Variants in TRIM36 observed in about 807,000 individuals in gnomAD.
TRIM36 encodes tripartite motif containing 36.
A neutral mutation model predicts 72.4 loss-of-function variants in TRIM36; 42 were observed. The observed-to-expected ratio is 0.58, with a 90% CI of 0.45 to 0.75. The LOEUF (loss-of-function observed/expected upper bound fraction) is 0.75, where lower values mean the gene tolerates loss of function less well. TRIM36 is among the 30% of genes least tolerant of loss of function. The pLI is 0.00. For missense variants in TRIM36, 913 were observed against 857.1 expected, an observed-to-expected ratio of 1.07 and a Z score of -0.81; for synonymous variants, 315 against 282.8, an observed-to-expected ratio of 1.11 and a Z score of -1.14.
intron 2 of TRIM36, among the ~76,000 whole-genome samples, chr5:115,160,923 C>CA (rs200965722): frequency 0.016 from 2,458 of 152,020 alleles, 61 homozygotes; most frequent in African/African-American, 0.056. Flanking sequence ...ATGAATCTAC[C>CA]AAAAAAAGAA....
intron 9 of TRIM36, among the ~76,000 whole-genome samples, chr5:115,127,912 T>C (rs540049238): frequency 4.7e-4 from 72 of 152,266 alleles, no homozygotes; most frequent in Middle Eastern, 3.4e-3. Context: ...TGTATGTTAC[T>C]GCCCCAGAAG....
intron 1 of TRIM36, chr5:115,179,910 G>C: frequency 6.9e-7 from 1 of 1,445,382 alleles, no homozygotes; most frequent in South Asian, 1.3e-5. Flanking sequence ...GACGCCCACA[G>C]TGGCGGGCCA....
At chr5:115,128,754 G>A (rs1189830704) in intron 9 of TRIM36, among the ~76,000 whole-genome samples, 14 of 14,772 alleles carry the variant, frequency 9.5e-4, no homozygotes, top group Non-Finnish European at 1.4e-3. Context: ...GCGAGACTCC[G>A]TCTCAAAAAA....
At chr5:115,129,582 A>G (rs114154251) in intron 9 of TRIM36, among the ~76,000 whole-genome samples, 2,361 of 152,238 alleles carry the variant, frequency 0.016, 55 homozygotes, top group African/African-American at 0.054. Context: ...AAATACAAAG[A>G]TAAGATGTAT....
chr5:115,126,587 T>G lies in TRIM36; in HGVS notation c.2067A>C (p.Pro689=). ...CTCCACTGCCCATTAATGCAAATGC[T>G]GGATACAGTGTATGTGAACAGTCCA... ...RQVDCSHTLY[P]AFALMGSGGI... Residue 689 remains proline (P), a synonymous_variant, in exon 10 of 10, where the codon CCA becomes CCC. Coordinates refer to ENST00000513154, the MANE Select transcript of TRIM36 (RefSeq NM_001300759.2). The G allele has an allele frequency of 1.9e-6, 3 of 1,614,168 alleles. No homozygotes were observed. Among genetic ancestry groups the G allele is most frequent in the Non-Finnish European group, 2.5e-6 (3 of 1,179,978 alleles).
intron 1 of TRIM36, chr5:115,169,189 C>G (rs1754954598): frequency 5.9e-6 from 1 of 169,776 alleles, no homozygotes; most frequent in African/African-American, 2.4e-5. Context: ...GCGGCGGCAG[C>G]CGGCCGGGCC....
chr5:115,151,811 G>C (rs1428938567), intron 2 of TRIM36, among the ~76,000 whole-genome samples: 1 of 152,162 alleles, frequency 6.6e-6, no homozygotes, highest in Non-Finnish European at 1.5e-5. Flanking sequence ...TCCCAGGAAG[G>C]CACATCCATA....
Position 115,137,038 on chromosome 5 carries a change from T to C in TRIM36, c.1172A>G (p.Gln391Arg), listed in dbSNP as rs891270382. 5 of 1,605,962 alleles carry C rather than the reference T, an allele frequency of 3.1e-6. No individual in the cohort carries two copies. The highest frequency in any genetic ancestry group is 3.4e-6 in the Non-Finnish European group (4 of 1,176,908). ...GGATAATTCTCCAAGAAGTTCTGTT[T>C]GTTTAGAGGTATTAACAACATAGTC... ...FEDYVVNTSK[Q>R]TELLGELSFF... The change falls in exon 7 of 10, where the codon CAA becomes CGA. Residue 391 changes from glutamine (Q) to arginine (R), a missense_variant. By Grantham distance (43) the Gln-to-Arg change is conservative (BLOSUM62 1). Coordinates refer to ENST00000513154, the MANE Select transcript of TRIM36 (RefSeq NM_001300759.2).
At chr5:115,143,109 T>C (rs1753363192) in intron 4 of TRIM36, among the ~76,000 whole-genome samples, 1 of 151,668 alleles carries the variant, frequency 6.6e-6, no homozygotes, top group East Asian at 1.9e-4. Flanking sequence ...CATCAACTCT[T>C]GTGTGTGAGG....
intron 2 of TRIM36, among the ~76,000 whole-genome samples, chr5:115,152,432 G>C (rs991817245): frequency 1.3e-5 from 2 of 152,128 alleles, no homozygotes; most frequent in Admixed American, 1.3e-4. Context: ...AAATCTAAAA[G>C]TTTGGAAAAC....
At chr5:115,172,653 T>G (rs1338512431), upstream of TRIM36, among the ~76,000 whole-genome samples, 1 of 151,972 alleles carries the variant, frequency 6.6e-6, no homozygotes, top group African/African-American at 2.4e-5. Flanking sequence ...GGAGAATCAC[T>G]TGAAACCGGG....
At chr5:115,138,233 G>A (rs528375798) in intron 5 of TRIM36, among the ~76,000 whole-genome samples, 4 of 152,128 alleles carry the variant, frequency 2.6e-5, no homozygotes, top group African/African-American at 9.7e-5. Context: ...CCAAGTAGCT[G>A]GGACTACAGG....
At position 115,128,479 on chromosome 5, in the gene TRIM36, G is replaced by A. The variant is rs187048072; in HGVS notation, c.1797-1622C>T. On this transcript the variant is annotated intron_variant, in intron 9 of 9. Transcript: ENST00000513154. ...TAAAAATTGAAAGTTTAGGCCGGGC[G>A]CGGTGGCTCACGCCTGTAATCCCAG... 7.2e-4 allele frequency among the ~76,000 whole-genome samples: 109 copies of A among 151,928 alleles called. 2 individuals carry two copies. In the East Asian group the frequency reaches 0.019, roughly 26 times the overall value.
In TRIM36 at chr5:115,179,228, G is replaced by A. The variant is rs192016692; in HGVS notation, c.63+747C>T. Among the ~76,000 whole-genome samples, 1,082 of 152,310 alleles carry A rather than the reference G, an allele frequency of 7.1e-3. 12 individuals carry two copies. Among genetic ancestry groups the A allele is most frequent in the African/African-American group, 0.025 (1,034 of 41,568 alleles). On this transcript the variant is annotated intron_variant, in intron 1 of 9. Coordinates refer to the TRIM36 transcript ENST00000282369. ...GGCAATTTCTCGGATGCAGCGCGGA[G>A]CCCAGCCTCCCGCACTGACTCAGGC...
Position 115,130,658 on chromosome 5 carries a change from A to C in TRIM36, c.1730T>G (p.Val577Gly). ...RVEPYSYLVK[V>G]GVASSDKLQE... is the part of the protein sequence containing the mutation. ...TAGTTTATCGCTAGAAGCAACTCCC[A>C]CTTTTACCAGGTATGAATATGGTTC... The change falls in exon 9 of 10, where the codon GTG becomes GGG. Residue 577 changes from valine (V) to glycine (G), a missense_variant. Transcript: ENST00000513154. 1 of 1,614,180 alleles carries C rather than the reference A, an allele frequency of 6.2e-7. No individual in the cohort carries two copies.
At chr5:115,172,024 A>G (rs1580713559), upstream of TRIM36, among the ~76,000 whole-genome samples, 4 of 152,318 alleles carry the variant, frequency 2.6e-5, 1 homozygote, top group South Asian at 6.2e-4. Context: ...TTCAGAGTAT[A>G]AGTGTCTTCT....
At chr5:115,179,915 G>T (rs991127141) in intron 1 of TRIM36, 2 of 1,484,572 alleles carry the variant, frequency 1.3e-6, no homozygotes, top group African/African-American at 1.4e-5. Context: ...CCACAGTGGC[G>T]GGCCAGGTAG....
Position 115,147,067 on chromosome 5 carries a change from A to C in TRIM36, c.588+2T>G. On this transcript the variant is annotated splice_donor_variant, in intron 3 of 9. Transcript: ENST00000513154. LOFTEE classifies it high-confidence loss of function. ...TTCTAACTTAATAAAAACTTCACTTACCTTGGGTCTGAAGTTAGTAGTTGG... is the reference window on the plus strand; with the variant it reads ...TTCTAACTTAATAAAAACTTCACTTCCCTTGGGTCTGAAGTTAGTAGTTGG... The C allele has an allele frequency of 6.2e-7, 1 of 1,603,654 alleles. No homozygotes were observed. The highest frequency in any genetic ancestry group is 8.5e-7 in the Non-Finnish European group (1 of 1,173,144).
intron 1 of TRIM36, among the ~76,000 whole-genome samples, chr5:115,176,430 C>G (rs1048958631): frequency 6.6e-6 from 1 of 152,036 alleles, no homozygotes; most frequent in Non-Finnish European, 1.5e-5. Context: ...AAATAATTCA[C>G]CAAGTAATGG....
Sources: gnomAD v4.1 joint callset for allele counts (sites outside exome capture counted in the v4.1 genomes callset) on GRCh38, gnomAD v4.1.1 for gene constraint, MANE v1.5 for transcripts, NCBI Gene and HGNC (gene_info 2026-07-23, HGNC 2026-07-21) for gene names.